The following RALB variants were observed in gnomAD, a reference collection of about 807,000 sequenced individuals.
RALB encodes the protein RAS like proto-oncogene B, also known as ras-related protein Ral-B.
A neutral mutation model predicts 21.3 loss-of-function variants in RALB; 16 were observed. That is an observed-to-expected ratio of 0.75 (90% CI 0.51 to 1.14). The LOEUF (loss-of-function observed/expected upper bound fraction) is 1.14. Among genes scored for constraint, RALB ranks in the 50% most tolerant of loss-of-function variants. RALB has a pLI of 0.00. For missense variants in RALB, 161 were observed against 256.2 expected, an observed-to-expected ratio of 0.63 and a Z score of 2.54; for synonymous variants, 93 against 96.1, an observed-to-expected ratio of 0.97 and a Z score of 0.19.
At chr2:120,280,906 A>T (rs1422003152) in intron 2 of RALB, 2 of 430,320 alleles carry the variant, frequency 4.6e-6, no homozygotes, top group African/African-American at 4.1e-5. Flanking sequence ...GGTATTCTAG[A>T]GGTATGTCAG....
chr2:120,259,197 CG>C (rs1689280020), intron 1 of RALB, among the ~76,000 whole-genome samples: 1 of 152,044 alleles, frequency 6.6e-6, no homozygotes, highest in Non-Finnish European at 1.5e-5. Context: ...GCTTCCACAG[CG>C]TAGAAAGGGA....
At chr2:120,264,187 G>A (rs560630280) in intron 1 of RALB, among the ~76,000 whole-genome samples, 4 of 151,832 alleles carry the variant, frequency 2.6e-5, no homozygotes, top group Non-Finnish European at 5.9e-5. Context: ...GTCTCACTCT[G>A]TTGCTCAGGC....
intron 1 of RALB, among the ~76,000 whole-genome samples, chr2:120,258,762 A>G (rs1436468354): frequency 6.6e-6 from 1 of 152,258 alleles, no homozygotes; most frequent in Admixed American, 6.5e-5. Flanking sequence ...ATGGGAGTCA[A>G]AAATGACTTC....
chr2:120,242,002 T>C (rs1688904754), intron 1 of RALB, among the ~76,000 whole-genome samples: 1 of 151,940 alleles, frequency 6.6e-6, no homozygotes, highest in Admixed American at 6.6e-5. Context: ...AGGCCAGAGG[T>C]GGAAGCAACC....
chr2:120,258,389 G>A (rs1242786697), intron 1 of RALB, among the ~76,000 whole-genome samples: 2 of 152,210 alleles, frequency 1.3e-5, no homozygotes, highest in African/African-American at 2.4e-5. Context: ...GCAGGCACGC[G>A]TGATTGGGGG....
At chr2:120,275,059 A>G (rs2104625252) in intron 1 of RALB, among the ~76,000 whole-genome samples, 1 of 152,144 alleles carries the variant, frequency 6.6e-6, no homozygotes, top group East Asian at 1.9e-4. Context: ...ATGTTACTTT[A>G]TTGGCTTTAG....
chr2:120,258,758 G>A (rs1337555088), intron 1 of RALB, among the ~76,000 whole-genome samples: 1 of 152,238 alleles, frequency 6.6e-6, no homozygotes, highest in African/African-American at 2.4e-5. Flanking sequence ...GGCAATGGGA[G>A]TCAAAAATGA....
At chr2:120,292,407 G>A (rs1690327061) in intron 4 of RALB, among the ~76,000 whole-genome samples, 2 of 152,172 alleles carry the variant, frequency 1.3e-5, no homozygotes, top group South Asian at 2.1e-4. Context: ...AGCTGGGAAA[G>A]CTGTCATGCA....
chr2:120,247,934 G>A (rs888401815), upstream of RALB, among the ~76,000 whole-genome samples: 2 of 152,180 alleles, frequency 1.3e-5, no homozygotes, highest in African/African-American at 2.4e-5. Context: ...TGCCCAGGAC[G>A]GAATGGGAAT....
At chr2:120,280,862 C>G (rs1013852704) in intron 2 of RALB, 1 of 441,850 alleles carries the variant, frequency 2.3e-6, no homozygotes, top group South Asian at 1.6e-5. Context: ...TGGCATATGA[C>G]AAGAAAAAGT....
chr2:120,249,269 A>G (rs1229637855), upstream of RALB, among the ~76,000 whole-genome samples: 1 of 152,088 alleles, frequency 6.6e-6, no homozygotes, highest in East Asian at 1.9e-4. Flanking sequence ...TCCTGACCTC[A>G]TGATCCACCC....
In RALB at chr2:120,294,301, A is replaced by G; in HGVS notation, c.*1041A>G. 7.5e-6 allele frequency: 3 copies of G among 398,734 alleles called. No individual in the cohort carries two copies. Among genetic ancestry groups the G allele is most frequent in the Non-Finnish European group, 1.3e-5 (3 of 226,070 alleles). The allele number at this position is 398,734 out of a possible 1,614,324, so 24.7% of individuals were successfully genotyped here. A position where few individuals can be genotyped will look rare whatever the true frequency, so the allele number is the denominator to read the frequency against. ...GAATTGCTCTGTAATTCTAAATTTA[A>G]AATTAGAAGTAGAGAGAGATAAGCC... On this transcript the variant is annotated 3_prime_UTR_variant, in exon 5 of 5. Transcript: ENST00000272519.
intron 3 of RALB, among the ~76,000 whole-genome samples, chr2:120,287,384 A>G (rs1266024947): frequency 1.3e-5 from 2 of 152,236 alleles, no homozygotes; most frequent in Non-Finnish European, 2.9e-5. Context: ...ATGACTCATT[A>G]TGAGAAGTTC....
At chr2:120,254,036 T>C (rs1381349051) in intron 1 of RALB, among the ~76,000 whole-genome samples, 3 of 152,168 alleles carry the variant, frequency 2.0e-5, no homozygotes, top group Non-Finnish European at 4.4e-5. Context: ...AGAATGCTCC[T>C]TAAACCTGGA....
chr2:120,268,784 G>A (rs1451659031), intron 1 of RALB, among the ~76,000 whole-genome samples: 4 of 152,172 alleles, frequency 2.6e-5, no homozygotes, highest in Non-Finnish European at 4.4e-5. Flanking sequence ...AGCGGAAGAA[G>A]AGGCCGAGGC....
chr2:120,264,864 T>G (rs572454949), intron 1 of RALB, among the ~76,000 whole-genome samples: 27 of 152,316 alleles, frequency 1.8e-4, no homozygotes, highest in African/African-American at 6.5e-4. Context: ...GTATTTGTGC[T>G]TTTGTGTCTT....
At chr2:120,286,616 C>T (rs532140352) in intron 3 of RALB, among the ~76,000 whole-genome samples, 1 of 152,300 alleles carries the variant, frequency 6.6e-6, no homozygotes, top group Admixed American at 6.5e-5. Flanking sequence ...TGCCTTGCCG[C>T]TCACTGACCA....
intron 2 of RALB, among the ~76,000 whole-genome samples, chr2:120,283,379 T>C (rs1690045052): frequency 6.6e-6 from 1 of 152,230 alleles, no homozygotes; most frequent in Non-Finnish European, 1.5e-5. Flanking sequence ...AGCCGAAAGA[T>C]TGGACACCCC....
rs984552357 is a variant in RALB, at chr2:120,293,025, A to G, written c.502-116A>G. 41 of 1,118,130 alleles carry G rather than the reference A, an allele frequency of 3.7e-5. No homozygotes were observed. In the Middle Eastern group the frequency reaches 9.4e-4, roughly 26 times the overall value. The allele number at this position is 1,118,130 out of a possible 1,614,324, so 69.3% of individuals were successfully genotyped here. On this transcript the variant is annotated intron_variant, in intron 4 of 4. Coordinates refer to ENST00000272519, the MANE Select transcript of RALB (RefSeq NM_002881.3). ...TGTAACTACATATCCTGCTTAGTCA[A>G]ATTATTTCATTGAATCCTTAAATGC...
Sources: gnomAD v4.1 joint callset for allele counts (sites outside exome capture counted in the v4.1 genomes callset) on GRCh38, gnomAD v4.1.1 for gene constraint, MANE v1.5 for transcripts, NCBI Gene and HGNC (gene_info 2026-07-23, HGNC 2026-07-21) for gene names.